The following GRID2 variants were observed in gnomAD, a reference collection of about 807,000 sequenced individuals.
GRID2 encodes the protein glutamate receptor ionotropic, delta-2.
Under a neutral mutation model 114.8 loss-of-function variants are expected in GRID2, and 33 were observed. The ratio of observed to expected loss-of-function variants is 0.29; its 90% confidence interval spans 0.22 to 0.38. The LOEUF (loss-of-function observed/expected upper bound fraction) is 0.38, where lower values mean the gene tolerates loss of function less well. Among genes scored for constraint, GRID2 ranks in the 10% least tolerant of loss-of-function variants. The probability of loss-of-function intolerance (pLI) is 1.00; values close to 1 mark genes in which losing one functional copy is unlikely to be tolerated. For synonymous variants in GRID2, 505 were observed against 449.9 expected (o/e 1.12, Z -1.55); for missense variants, 1,184 against 1,257.7 (o/e 0.94, Z 0.89).
chr4:93,262,681 T>C (rs1289269257), intron 8 of GRID2, among the ~76,000 whole-genome samples: 1 of 151,984 alleles, frequency 6.6e-6, no homozygotes, highest in Non-Finnish European at 1.5e-5. Context: ...GATGATTTCC[T>C]CTTATTTTAC....
intron 10 of GRID2, among the ~76,000 whole-genome samples, chr4:93,424,928 G>A (rs1768690483): frequency 6.6e-6 from 1 of 152,014 alleles, no homozygotes; most frequent in Non-Finnish European, 1.5e-5. Context: ...CTGATATTCT[G>A]CCACCTTCAA....
chr4:93,530,811 T>C (rs1030783328), intron 13 of GRID2, among the ~76,000 whole-genome samples: 2 of 152,138 alleles, frequency 1.3e-5, no homozygotes, highest in Non-Finnish European at 2.9e-5. Flanking sequence ...CTAAAATATT[T>C]AACAGAAATC....
intron 13 of GRID2, among the ~76,000 whole-genome samples, chr4:93,586,726 C>T (rs1429115633): frequency 2.6e-5 from 4 of 152,056 alleles, no homozygotes; most frequent in Admixed American, 2.0e-4. Context: ...GATGCAAAAC[C>T]TTCTGTTCCA....
intron 3 of GRID2, among the ~76,000 whole-genome samples, chr4:93,109,204 T>G (rs1732542769): frequency 6.6e-6 from 1 of 152,216 alleles, no homozygotes; most frequent in African/African-American, 2.4e-5. Flanking sequence ...ACCTCTTTTA[T>G]CTCATCCTCT....
At chr4:92,438,814 C>G (rs1732863526) in intron 1 of GRID2, among the ~76,000 whole-genome samples, 2 of 152,150 alleles carry the variant, frequency 1.3e-5, no homozygotes, top group Admixed American at 1.3e-4. Flanking sequence ...AATGCTTATT[C>G]TTTTACCAAT....
At chr4:93,023,022 A>G (rs141615263) in intron 2 of GRID2, among the ~76,000 whole-genome samples, 7 of 151,848 alleles carry the variant, frequency 4.6e-5, no homozygotes, top group Non-Finnish European at 1.0e-4. Flanking sequence ...TTTATGTATA[A>G]ATAGTGAACC....
chr4:93,358,902 A>G (rs967252581), intron 8 of GRID2, among the ~76,000 whole-genome samples: 1 of 152,064 alleles, frequency 6.6e-6, no homozygotes, highest in African/African-American at 2.4e-5. Context: ...TATTGGCTGT[A>G]TTTAACAATG....
chr4:92,589,401 A>G (rs563629446), intron 1 of GRID2, among the ~76,000 whole-genome samples: 1 of 152,344 alleles, frequency 6.6e-6, no homozygotes, highest in East Asian at 1.9e-4. Context: ...AGTATTTAAA[A>G]TCAGTTTGCT....
At chr4:93,292,780 T>C (rs1480771594) in intron 8 of GRID2, among the ~76,000 whole-genome samples, 1 of 152,228 alleles carries the variant, frequency 6.6e-6, no homozygotes, top group African/African-American at 2.4e-5. Context: ...AAGTTTGGCT[T>C]GCAAGTTCAC....
chr4:92,876,266 A>T (rs896010910), intron 2 of GRID2, among the ~76,000 whole-genome samples: 3 of 149,482 alleles, frequency 2.0e-5, no homozygotes, highest in Non-Finnish European at 3.0e-5. Context: ...AAACCCAATT[A>T]TCTTTTTTTT....
In GRID2 at chr4:92,706,056, G is replaced by A. The variant is rs546486762; in HGVS notation, c.244+115770G>A. Among the ~76,000 whole-genome samples, 35 of 152,234 alleles carry A rather than the reference G, an allele frequency of 2.3e-4. 1 individual carries two copies. In the South Asian group the frequency reaches 3.7e-3, roughly 16 times the overall value. ...CTGGCTTGCAGCCTGAAGTAAAGGC[G>A]CAGTTTTAAAAACATCAAGGTCTTG... On this transcript the variant is annotated intron_variant, in intron 2 of 15. Coordinates refer to ENST00000282020, the MANE Select transcript of GRID2 (RefSeq NM_001510.4).
chr4:93,441,990 T>G lies in GRID2; in HGVS notation c.1546-13672T>G, dbSNP rs185729373. On this transcript the variant is annotated intron_variant, in intron 10 of 15. Coordinates refer to ENST00000282020, the MANE Select transcript of GRID2 (RefSeq NM_001510.4). ...GTGTCTCTCCTACTCATTTTATATT[T>G]CATTTGATACTGCACAGAATCACTA... Among the ~76,000 whole-genome samples, 14 of 152,120 alleles carry G rather than the reference T, an allele frequency of 9.2e-5. 1 individual carries two copies. The East Asian group carries it at 2.5e-3, about 27-fold the overall frequency.
intron 8 of GRID2, among the ~76,000 whole-genome samples, chr4:93,393,122 G>C (rs944119106): frequency 6.6e-6 from 1 of 151,872 alleles, no homozygotes; most frequent in Non-Finnish European, 1.5e-5. Flanking sequence ...TTTATTTCTA[G>C]TTTTCCAGAT....
At chr4:92,914,247 G>A (rs1385644100) in intron 2 of GRID2, among the ~76,000 whole-genome samples, 2 of 151,888 alleles carry the variant, frequency 1.3e-5, no homozygotes, top group Non-Finnish European at 2.9e-5. Flanking sequence ...ATTGTGCATG[G>A]ACATTTTTAC....
At chr4:92,776,216 T>C (rs1248117348) in intron 2 of GRID2, among the ~76,000 whole-genome samples, 2 of 152,108 alleles carry the variant, frequency 1.3e-5, no homozygotes, top group Admixed American at 6.6e-5. Context: ...TAAATAACTT[T>C]TGTGAAATAT....
chr4:93,793,444 G>C (rs556838298), intron 1 of GRID2, among the ~76,000 whole-genome samples: 13 of 152,192 alleles, frequency 8.5e-5, no homozygotes, highest in African/African-American at 3.1e-4. Context: ...TGACTTTTGT[G>C]CCTAAATCTG....
chr4:92,335,709 A>G (rs1727128732), intron 1 of GRID2, among the ~76,000 whole-genome samples: 2 of 152,206 alleles, frequency 1.3e-5, no homozygotes, highest in African/African-American at 4.8e-5. Context: ...ATTTTCTGCC[A>G]AATAAAAAAT....
chr4:93,096,190 C>T (rs1731214850), intron 3 of GRID2, among the ~76,000 whole-genome samples: 1 of 151,940 alleles, frequency 6.6e-6, no homozygotes, highest in Non-Finnish European at 1.5e-5. Flanking sequence ...ATTTTACTCT[C>T]ATCTCTCACT....
intron 7 of GRID2, among the ~76,000 whole-genome samples, chr4:93,233,340 T>TTTTTA (rs1746370071): frequency 6.6e-6 from 1 of 150,778 alleles, no homozygotes; most frequent in East Asian, 2.0e-4. Flanking sequence ...TTATTATTTT[T>TTTTTA]TTTTTTATTT....
Sources: gnomAD v4.1 joint callset for allele counts (sites outside exome capture counted in the v4.1 genomes callset) on GRCh38, gnomAD v4.1.1 for gene constraint, MANE v1.5 for transcripts, NCBI Gene and HGNC (gene_info 2026-07-23, HGNC 2026-07-21) for gene names.